ANXA4: variants seen among roughly 807,000 people sequenced by gnomAD.
ANXA4 encodes the protein 35-beta calcimedin.
Under a neutral mutation model 49.8 loss-of-function variants are expected in ANXA4, and 39 were observed. The observed-to-expected ratio is 0.78, with a 90% CI of 0.61 to 1.02. ANXA4 has a LOEUF of 1.02. ANXA4 is among the 50% of genes least tolerant of loss of function. The probability of loss-of-function intolerance (pLI) is 0.00; values close to 1 mark genes in which losing one functional copy is unlikely to be tolerated. For synonymous variants in ANXA4, 134 were observed against 152.5 expected, an observed-to-expected ratio of 0.88 and a Z score of 0.89; for missense variants, 360 against 410.1, an observed-to-expected ratio of 0.88 and a Z score of 1.05.
chr2:69,721,864 T>C (rs1669819970), intron 3 of ANXA4, among the ~76,000 whole-genome samples: 1 of 152,186 alleles, frequency 6.6e-6, no homozygotes. Context: ...TTTTCACCAA[T>C]ATTTTTTGTC....
intron 2 of ANXA4, among the ~76,000 whole-genome samples, chr2:69,678,854 G>A (rs1427174836): frequency 6.6e-6 from 1 of 152,064 alleles, no homozygotes; most frequent in Non-Finnish European, 1.5e-5. Context: ...TGGTGAAAAA[G>A]TTGTCTGTTG....
chr2:69,658,679 T>A (rs1676598003), intron 2 of ANXA4, among the ~76,000 whole-genome samples: 1 of 152,152 alleles, frequency 6.6e-6, no homozygotes, highest in Non-Finnish European at 1.5e-5. Context: ...TTAAATTTAT[T>A]TTTATTTATT....
Position 69,818,704 on chromosome 2 carries a change from T to TA in ANXA4, c.724+11dup. The stretch of plus-strand genomic sequence containing the variant: ...GCTCTGCTGGCTATAGGTAAGCTGG[T>TA]AGGGGGAGTAGAGAAACAAATGTTT... On this transcript the variant is annotated intron_variant, in intron 10 of 12. Coordinates refer to ENST00000394295, the MANE Select transcript of ANXA4 (RefSeq NM_001153.5). 6.4e-7 allele frequency: 1 copy of TA among 1,551,742 alleles called. No individual in the cohort carries two copies. The highest frequency in any genetic ancestry group is 8.8e-7 in the Non-Finnish European group (1 of 1,130,398).
At chr2:69,713,164 A>G (rs1021235318) in intron 2 of ANXA4, among the ~76,000 whole-genome samples, 2 of 151,808 alleles carry the variant, frequency 1.3e-5, no homozygotes, top group African/African-American at 4.9e-5. Flanking sequence ...AATCTTCAGT[A>G]TAGTCATTAT....
At chr2:69,651,816 T>G (rs1676249409) in intron 1 of ANXA4, among the ~76,000 whole-genome samples, 1 of 18,838 alleles carries the variant, frequency 5.3e-5, no homozygotes, top group Non-Finnish European at 1.0e-4. Flanking sequence ...TTTTTTTTTT[T>G]TGGGGGGGGG....
chr2:69,683,567 T>G (rs986403811), intron 2 of ANXA4, among the ~76,000 whole-genome samples: 2 of 152,210 alleles, frequency 1.3e-5, no homozygotes, highest in Non-Finnish European at 2.9e-5. Context: ...AGGAACGATA[T>G]GCGCTGTCTT....
At chr2:69,706,372 C>A (rs1172983053) in intron 2 of ANXA4, among the ~76,000 whole-genome samples, 1 of 137,436 alleles carries the variant, frequency 7.3e-6, no homozygotes, top group Non-Finnish European at 1.5e-5. Flanking sequence ...TCGATCTCAG[C>A]TCACTGCAAC....
intron 1 of ANXA4, among the ~76,000 whole-genome samples, chr2:69,777,344 T>C (rs921150075): frequency 1.3e-5 from 2 of 152,244 alleles, no homozygotes; most frequent in East Asian, 3.9e-4. Flanking sequence ...GGCTGAAAAT[T>C]CCAACTCTTT....
In ANXA4 at chr2:69,700,866, A is replaced by C. The variant is rs1213355083; in HGVS notation, n.767-19908A>C. On this transcript the variant is annotated intron_variant and non_coding_transcript_variant, in intron 2 of 3. Coordinates refer to the ANXA4 transcript ENST00000418066. The stretch of plus-strand genomic sequence containing the variant: ...TCACTTGGTCAAGGGGTATGTATGT[A>C]TTTCTTTCTTTCTTTTCTGATTTTG... Among the ~76,000 whole-genome samples, 5 of 151,958 alleles carry C rather than the reference A, an allele frequency of 3.3e-5. No individual in the cohort carries two copies. In the East Asian group the frequency reaches 5.8e-4, roughly 18 times the overall value.
rs974347199 is a variant in ANXA4 at position 69,709,981 on chromosome 2, C to CTTTTT, written n.767-10774_767-10770dup. Reference sequence around the variant, plus strand: ...TATTATGGCAGCATGCACTTCCAGGCTTTTTTTTTTTTTTTTTTTTTTTGA... The same window carrying CTTTTT: ...TATTATGGCAGCATGCACTTCCAGGCTTTTTTTTTTTTTTTTTTTTTTTTTTTTGA... On this transcript the variant is annotated intron_variant and non_coding_transcript_variant, in intron 2 of 3. Transcript: ENST00000418066. 1.6e-3 allele frequency among the ~76,000 whole-genome samples: 159 copies of CTTTTT among 97,026 alleles called. 4 individuals carry two copies. Among genetic ancestry groups the CTTTTT allele is most frequent in the East Asian group, 4.9e-3 (16 of 3,278 alleles). The allele number at this position is 97,026 out of a possible 152,430, so 63.7% of individuals were successfully genotyped here.
At chr2:69,670,459 A>C (rs867509458) in intron 2 of ANXA4, among the ~76,000 whole-genome samples, 41 of 150,432 alleles carry the variant, frequency 2.7e-4, no homozygotes, top group African/African-American at 9.8e-4. Flanking sequence ...AAAAAAAAAA[A>C]GACAAATGAG....
rs189422070 is a variant in ANXA4, at chr2:69,765,310, T to C, written c.-46-16210T>C. ...TTTGTTGAGGAACCACCATACTGTTTTTACGGTGGCTGTACCATTTTACTT... is the reference window on the plus strand; with the variant it reads ...TTTGTTGAGGAACCACCATACTGTTCTTACGGTGGCTGTACCATTTTACTT... On this transcript the variant is annotated intron_variant, in intron 1 of 12. Transcript: ENST00000394295. 1.7e-3 allele frequency among the ~76,000 whole-genome samples: 257 copies of C among 152,326 alleles called. 1 individual carries two copies. Among genetic ancestry groups the C allele is most frequent in the Middle Eastern group, 0.01 (3 of 294 alleles).
intron 5 of ANXA4, among the ~76,000 whole-genome samples, chr2:69,807,319 C>T (rs1386530337): frequency 1.3e-5 from 2 of 152,144 alleles, no homozygotes; most frequent in African/African-American, 4.8e-5. Context: ...TATAGGCTTA[C>T]TTCTGGCAAA....
chr2:69,647,875 C>T (rs1309644152), intron 1 of ANXA4, among the ~76,000 whole-genome samples: 2 of 152,116 alleles, frequency 1.3e-5, no homozygotes, highest in Non-Finnish European at 2.9e-5. Flanking sequence ...TTTATTTAAT[C>T]TTCATGGTTG....
chr2:69,684,008 G>T (rs1161742819), intron 2 of ANXA4, among the ~76,000 whole-genome samples: 1 of 152,182 alleles, frequency 6.6e-6, no homozygotes, highest in Non-Finnish European at 1.5e-5. Context: ...GTTGTGTTAT[G>T]TTAAAGATCA....
chr2:69,749,308 A>G (rs1379582055), intron 1 of ANXA4, among the ~76,000 whole-genome samples: 2 of 152,204 alleles, frequency 1.3e-5, no homozygotes, highest in Admixed American at 6.5e-5. Flanking sequence ...AGGGAACTTC[A>G]GAGAACAACT....
chr2:69,710,776 G>C (rs1678649163), intron 2 of ANXA4, among the ~76,000 whole-genome samples: 1 of 152,082 alleles, frequency 6.6e-6, no homozygotes. Context: ...AACACTACAG[G>C]CTAACATTTT....
chr2:69,768,503 G>A (rs556739075), intron 1 of ANXA4, among the ~76,000 whole-genome samples: 2 of 152,250 alleles, frequency 1.3e-5, no homozygotes, highest in South Asian at 2.1e-4. Flanking sequence ...TTAAATGGCA[G>A]GTTACTCTTA....
chr2:69,661,929 G>A (rs1676738943), intron 2 of ANXA4, among the ~76,000 whole-genome samples: 1 of 152,146 alleles, frequency 6.6e-6, no homozygotes, highest in African/African-American at 2.4e-5. Context: ...ATCATGCAGT[G>A]GCTCTCTGGA....
Sources: allele counts gnomAD v4.1 joint callset (sites outside exome capture counted in the v4.1 genomes callset), GRCh38; gene constraint gnomAD v4.1.1; transcripts MANE v1.5; gene names NCBI Gene and HGNC (gene_info 2026-07-23, HGNC 2026-07-21).